The following VEZT variants were observed in gnomAD, a reference collection of about 807,000 sequenced individuals.
The protein encoded by VEZT is vezatin.
VEZT carries 39 observed loss-of-function variants against 79.9 expected under a neutral mutation model. The ratio of observed to expected loss-of-function variants is 0.49; its 90% CI spans 0.38 to 0.64. The LOEUF is 0.64. Ranked by LOEUF, VEZT falls within the 30% of genes least tolerant of loss-of-function variation. The probability of loss-of-function intolerance (pLI) is 0.00; values close to 1 mark genes in which losing one functional copy is unlikely to be tolerated. For missense variants in VEZT, 837 were observed against 893.1 expected (o/e 0.94, Z 0.80); for synonymous variants, 325 against 327.6 (o/e 0.99, Z 0.09).
intron 1 of VEZT, chr12:95,242,251 T>A (rs2061123636): frequency 6.6e-6 from 1 of 152,138 alleles, no homozygotes; most frequent in Non-Finnish European, 1.5e-5. Context: ...ATCCCAGCAC[T>A]TTGAGAGGCC....
chr12:95,254,761 A>G (rs1222116807), intron 2 of VEZT, among the ~76,000 whole-genome samples: 1 of 152,262 alleles, frequency 6.6e-6, no homozygotes, highest in African/African-American at 2.4e-5. Flanking sequence ...GGAATGAAGT[A>G]TCAATTATTT....
intron 1 of VEZT, chr12:95,243,860 T>A: frequency 2.3e-6 from 1 of 427,874 alleles, no homozygotes; most frequent in East Asian, 7.1e-5. Context: ...AGCAGGTTGT[T>A]ATAAAGTAAG....
Position 95,294,284 on chromosome 12 carries a change from T to A in VEZT, c.1535T>A (p.Ile512Lys). Reference sequence around the variant, plus strand: ...CCGTTTTTTAAAGGCAAGCCTGAAATAGCATGTGAAAACCCACATTGTACA... The same window carrying A: ...CCGTTTTTTAAAGGCAAGCCTGAAAAAGCATGTGAAAACCCACATTGTACA... ...RNTDKKGKPEIACENPHCTVV... is the reference protein window; with the variant it reads ...RNTDKKGKPEKACENPHCTVV... The change falls in exon 10 of 12, where the codon ATA (isoleucine) becomes AAA (lysine). Residue 512 changes from isoleucine (I) to lysine (K), a missense_variant. Transcript: ENST00000436874. 1 of 1,586,494 alleles carries A rather than the reference T, an allele frequency of 6.3e-7. No homozygotes were observed. Among genetic ancestry groups the A allele is most frequent in the Non-Finnish European group, 8.6e-7 (1 of 1,165,678 alleles).
chr12:95,243,286 G>T (rs2061287501), intron 1 of VEZT, among the ~76,000 whole-genome samples: 1 of 148,986 alleles, frequency 6.7e-6, no homozygotes, highest in South Asian at 2.1e-4. Context: ...GAGATGGGAG[G>T]ATCACTTGGA....
intron 2 of VEZT, chr12:95,256,471 A>T (rs2063505042): frequency 1.4e-6 from 1 of 739,310 alleles, no homozygotes; most frequent in Admixed American, 3.4e-5. Context: ...GTAATTCTTT[A>T]TATTGTCTCT....
At chr12:95,297,246 A>T (rs1249779804) in intron 11 of VEZT, among the ~76,000 whole-genome samples, 1 of 152,212 alleles carries the variant, frequency 6.6e-6, no homozygotes, top group Non-Finnish European at 1.5e-5. Context: ...TTCTTAGTTG[A>T]ATTAATGCCT....
At position 95,269,743 on chromosome 12, in the gene VEZT, C is replaced by T. The variant is rs188697907; in HGVS notation, c.711-308C>T. 2.4e-3 allele frequency: 511 copies of T among 208,608 alleles called. 3 individuals carry two copies. The highest frequency in any genetic ancestry group is 0.011 in the African/African-American group (468 of 43,118). 12.9% of individuals were successfully genotyped at this position (208,608 alleles called of 1,614,324 possible). On this transcript the variant is annotated intron_variant, in intron 5 of 11. Coordinates refer to ENST00000436874, the MANE Select transcript of VEZT (RefSeq NM_017599.4). Reference sequence around the variant, plus strand: ...AGATGTGGATTCTTAATAAATATTTCTACATTTCTGTTATATCTCAGCCAG... The same window carrying T: ...AGATGTGGATTCTTAATAAATATTTTTACATTTCTGTTATATCTCAGCCAG...
At chr12:95,280,403 T>C (rs1370066247) in intron 7 of VEZT, among the ~76,000 whole-genome samples, 1 of 151,132 alleles carries the variant, frequency 6.6e-6, no homozygotes, top group Non-Finnish European at 1.5e-5. Flanking sequence ...TTTAGAGACC[T>C]CCCCAGCCAG....
chr12:95,269,018 A>G (rs1168912004), intron 5 of VEZT, among the ~76,000 whole-genome samples: 1 of 152,132 alleles, frequency 6.6e-6, no homozygotes. Context: ...TGCTTTTTAT[A>G]GATTTTTTAA....
intron 1 of VEZT, chr12:95,231,274 T>C (rs1407234029): frequency 1.3e-5 from 2 of 152,230 alleles, no homozygotes; most frequent in Non-Finnish European, 1.5e-5. Flanking sequence ...AAAACTCCAG[T>C]ATTCCTATTA....
Position 95,269,580 on chromosome 12 carries a change from G to A in VEZT, c.711-471G>A, listed in dbSNP as rs77380154. ...TGATCAGTGAACATATGTGATGAAC[G>A]TATGTAAATGTATATTAAGAATTTA... On this transcript the variant is annotated intron_variant, in intron 5 of 11. Coordinates refer to ENST00000436874, the MANE Select transcript of VEZT (RefSeq NM_017599.4). 8.4e-3 allele frequency among the ~76,000 whole-genome samples: 1,277 copies of A among 152,166 alleles called. 69 individuals carry two copies. The East Asian group carries it at 0.15, about 17-fold the overall frequency.
intron 1 of VEZT, among the ~76,000 whole-genome samples, chr12:95,237,822 A>C (rs1189771175): frequency 1.3e-5 from 2 of 152,172 alleles, no homozygotes; most frequent in Non-Finnish European, 2.9e-5. Context: ...ATAAGTATAG[A>C]GCTCTCCCTG....
intron 1 of VEZT, among the ~76,000 whole-genome samples, chr12:95,230,124 C>T (rs895976922): frequency 7.8e-6 from 1 of 128,300 alleles, no homozygotes; most frequent in Non-Finnish European, 1.6e-5. Context: ...AAAAAAAAAA[C>T]GAAGTGTACT....
intron 1 of VEZT, among the ~76,000 whole-genome samples, chr12:95,244,437 A>G (rs1400826375): frequency 1.3e-5 from 2 of 152,158 alleles, no homozygotes; most frequent in Non-Finnish European, 2.9e-5. Context: ...AAAATTAATA[A>G]TAATTTCCTA....
intron 1 of VEZT, among the ~76,000 whole-genome samples, chr12:95,225,430 G>A (rs1430392960): frequency 3.3e-5 from 5 of 152,128 alleles, no homozygotes; most frequent in African/African-American, 7.2e-5. Flanking sequence ...GGTGGCGGGC[G>A]CCTGTAGTCC....
chr12:95,268,765 A>T (rs925964310), intron 5 of VEZT, among the ~76,000 whole-genome samples: 1 of 152,342 alleles, frequency 6.6e-6, no homozygotes, highest in Non-Finnish European at 1.5e-5. Context: ...CTTTGTCTCT[A>T]TCTAACTGGA....
intron 7 of VEZT, among the ~76,000 whole-genome samples, chr12:95,279,855 G>C (rs1018993967): frequency 7.0e-6 from 1 of 142,726 alleles, no homozygotes; most frequent in Admixed American, 7.0e-5. Flanking sequence ...AAAGTGCTGG[G>C]ATTACAGGTG....
intron 6 of VEZT, among the ~76,000 whole-genome samples, chr12:95,274,222 T>C (rs2067180449): frequency 6.6e-6 from 1 of 152,174 alleles, no homozygotes; most frequent in African/African-American, 2.4e-5. Flanking sequence ...CCCAGCACTT[T>C]GGGAGGCTGA....
chr12:95,230,350 A>G (rs1351694771), intron 1 of VEZT, among the ~76,000 whole-genome samples: 1 of 152,128 alleles, frequency 6.6e-6, no homozygotes, highest in African/African-American at 2.4e-5. Context: ...TTGCTGATTA[A>G]GCCACAACTT....
Sources: gnomAD v4.1 joint callset for allele counts (sites outside exome capture counted in the v4.1 genomes callset) on GRCh38, gnomAD v4.1.1 for gene constraint, MANE v1.5 for transcripts, NCBI Gene and HGNC (gene_info 2026-07-23, HGNC 2026-07-21) for gene names.